FRRS1: variants seen among roughly 807,000 people sequenced by gnomAD.
FRRS1 encodes ferric reductase 1.
A neutral mutation model predicts 70.7 loss-of-function variants in FRRS1; 51 were observed. That is an observed-to-expected ratio of 0.72 (90% confidence interval 0.58 to 0.91). The LOEUF is 0.91. Ranked by LOEUF, FRRS1 falls within the 40% of genes least tolerant of loss-of-function variation. The probability of loss-of-function intolerance (pLI) is 0.00; values close to 1 mark genes in which losing one functional copy is unlikely to be tolerated. For missense variants in FRRS1, 672 were observed against 726.0 expected (o/e 0.93, Z 0.86); for synonymous variants, 225 against 238.7 (o/e 0.94, Z 0.53).
At chr1:99,730,120 T>G (rs985500332) in intron 7 of FRRS1, among the ~76,000 whole-genome samples, 10 of 152,336 alleles carry the variant, frequency 6.6e-5, no homozygotes, top group African/African-American at 2.2e-4. Context: ...TATAGAGTTC[T>G]GTTACCTTTT....
At chr1:99,738,359 T>C in intron 6 of FRRS1, 91 bp from the exon 7 acceptor site, 1 of 838,996 alleles carries the variant, frequency 1.2e-6, no homozygotes, top group Non-Finnish European at 1.8e-6. Context: ...CAAGTACGGG[T>C]AGCTCCCAAA....
At chr1:99,737,458 C>CA (rs1439382125) in intron 7 of FRRS1, among the ~76,000 whole-genome samples, 1 of 152,142 alleles carries the variant, frequency 6.6e-6, no homozygotes, top group Non-Finnish European at 1.5e-5. Context: ...AAAAGCATTA[C>CA]AAAAAACATG....
chr1:99,725,459 C>T (rs1463510009), intron 9 of FRRS1, among the ~76,000 whole-genome samples: 1 of 152,204 alleles, frequency 6.6e-6, no homozygotes, highest in Non-Finnish European at 1.5e-5. Context: ...CTACAGCACA[C>T]ATAAAACCAC....
chr1:99,753,199 C>T (rs1656656455), intron 1 of FRRS1, among the ~76,000 whole-genome samples: 1 of 145,036 alleles, frequency 6.9e-6, no homozygotes, highest in Non-Finnish European at 1.5e-5. Flanking sequence ...GATAATAAAG[C>T]AAGACCTCTG....
At chr1:99,712,263 T>C in intron 13 of FRRS1, 100 bp from the exon 14 acceptor site, 2 of 980,324 alleles carry the variant, frequency 2.0e-6, no homozygotes, top group Admixed American at 4.2e-5. Flanking sequence ...GTCTGGGAAT[T>C]AGATATCTGA....
At chr1:99,755,739 A>G (rs1351098796) in intron 1 of FRRS1, among the ~76,000 whole-genome samples, 1 of 152,208 alleles carries the variant, frequency 6.6e-6, no homozygotes, top group African/African-American at 2.4e-5. Flanking sequence ...GCCACCTTCA[A>G]TTCTAAAATT....
intron 1 of FRRS1, among the ~76,000 whole-genome samples, chr1:99,750,971 G>C (rs1179167618): frequency 2.0e-5 from 3 of 152,154 alleles, no homozygotes; most frequent in Non-Finnish European, 4.4e-5. Context: ...ATTATTTCTG[G>C]AAGTGTCTAT....
intron 9 of FRRS1, among the ~76,000 whole-genome samples, chr1:99,721,528 G>A (rs558897182): frequency 4.1e-4 from 62 of 151,952 alleles, no homozygotes; most frequent in African/African-American, 1.5e-3. Flanking sequence ...AATTTGGGGG[G>A]AGAAATACAG....
chr1:99,740,744 C>A, intron 6 of FRRS1, 49 bp downstream of exon 6: 2 of 1,323,500 alleles, frequency 1.5e-6, no homozygotes, highest in South Asian at 1.2e-5. Flanking sequence ...CCGGCCTGGG[C>A]AACATGGTGA....
intron 7 of FRRS1, among the ~76,000 whole-genome samples, chr1:99,729,975 T>C (rs947587640): frequency 6.6e-6 from 1 of 152,198 alleles, no homozygotes; most frequent in African/African-American, 2.4e-5. Flanking sequence ...TGTAAAATAA[T>C]AGATTAAGAT....
chr1:99,757,722 G>A (rs1656905947), intron 1 of FRRS1, among the ~76,000 whole-genome samples: 1 of 151,750 alleles, frequency 6.6e-6, no homozygotes, highest in Non-Finnish European at 1.5e-5. Flanking sequence ...ACTAAATATT[G>A]TTTTCATTTT....
chr1:99,757,938 A>G (rs1343612760), intron 1 of FRRS1, among the ~76,000 whole-genome samples: 2 of 118,568 alleles, frequency 1.7e-5, no homozygotes. Context: ...GGCTAAGGAG[A>G]ATGCCTGGGA....
At chr1:99,734,455 A>G in intron 7 of FRRS1, among the ~76,000 whole-genome samples, 1 of 152,230 alleles carries the variant, frequency 6.6e-6, no homozygotes, top group East Asian at 1.9e-4. Flanking sequence ...CAACTTAGGT[A>G]GATAGAAATA....
chr1:99,737,748 G>T (rs1464782140), intron 7 of FRRS1, among the ~76,000 whole-genome samples: 1 of 151,888 alleles, frequency 6.6e-6, no homozygotes, highest in African/African-American at 2.4e-5. Flanking sequence ...TGTTTGTTTT[G>T]GGGGGGTTTT....
At chr1:99,748,374 T>A in intron 3 of FRRS1, 199 bp downstream of exon 3, 1 of 462,850 alleles carries the variant, frequency 2.2e-6, no homozygotes, top group Non-Finnish European at 3.8e-6. Context: ...AAAAACTTAT[T>A]TTAAAGCCTG....
intron 1 of FRRS1, among the ~76,000 whole-genome samples, chr1:99,763,550 T>C (rs973760623): frequency 1.6e-4 from 25 of 152,342 alleles, no homozygotes; most frequent in African/African-American, 5.5e-4. Flanking sequence ...GTTTATCCTC[T>C]GACCTGGAAA....
rs1030121362 is a variant in FRRS1, at chr1:99,707,677, C to G, written c.*1351G>C. ...GCCATCCGGTAATGTTACCTAAATACTAGAAAGGAATCAGCACAAGGAAAC... is the reference window on the plus strand; with the variant it reads ...GCCATCCGGTAATGTTACCTAAATAGTAGAAAGGAATCAGCACAAGGAAAC... On this transcript the variant is annotated 3_prime_UTR_variant, in exon 17 of 17. Transcript: ENST00000646001. 2.6e-5 allele frequency among the ~76,000 whole-genome samples: 4 copies of G among 152,098 alleles called. No homozygotes were observed. The highest frequency in any genetic ancestry group is 7.2e-5 in the African/African-American group (3 of 41,408).
At chr1:99,709,998 G>A (rs137890355) in intron 15 of FRRS1, among the ~76,000 whole-genome samples, 1 of 152,146 alleles carries the variant, frequency 6.6e-6, no homozygotes, top group African/African-American at 2.4e-5. Context: ...CAAAAAAACA[G>A]TAAGCCATAA....
At chr1:99,765,493 C>T in intron 1 of FRRS1, 1 of 151,970 alleles carries the variant, frequency 6.6e-6, no homozygotes, top group South Asian at 2.1e-4. Context: ...CCCAGCTACT[C>T]AGGAGGCTGA....
Sources: allele counts gnomAD v4.1 joint callset (sites outside exome capture counted in the v4.1 genomes callset), GRCh38; gene constraint gnomAD v4.1.1; transcripts MANE v1.5; gene names NCBI Gene and HGNC (gene_info 2026-07-23, HGNC 2026-07-21).